Variants in TOR3A observed in about 807,000 individuals in gnomAD.
The protein encoded by TOR3A is torsin family 3 member A.
A neutral mutation model predicts 42.1 loss-of-function variants in TOR3A; 44 were observed. The observed-to-expected ratio is 1.04, with a 90% CI of 0.82 to 1.34. The LOEUF (loss-of-function observed/expected upper bound fraction) is 1.34. Ranked by LOEUF, TOR3A falls within the 40% of genes most tolerant of loss-of-function variation. The pLI is 0.00. For missense variants in TOR3A, 521 were observed against 507.6 expected, an observed-to-expected ratio of 1.03 and a Z score of -0.25; for synonymous variants, 227 against 213.2, an observed-to-expected ratio of 1.06 and a Z score of -0.57.
Position 179,095,649 on chromosome 1 carries a change from T to C in TOR3A, c.*431T>C. ...CTTCTGCAAGGAAGAGCTTGGGTGTTAGGCCTCAGAGGCTGTAGGGTCCTT... is the reference window on the plus strand; with the variant it reads ...CTTCTGCAAGGAAGAGCTTGGGTGTCAGGCCTCAGAGGCTGTAGGGTCCTT... On this transcript the variant is annotated 3_prime_UTR_variant, in exon 6 of 6. Transcript: ENST00000367627. The C allele has an allele frequency of 9.8e-7, 1 of 1,025,138 alleles. No individual in the cohort carries two copies. Among genetic ancestry groups the C allele is most frequent in the South Asian group, 3.9e-5 (1 of 25,598 alleles). 63.5% of individuals were successfully genotyped at this position (1,025,138 alleles called of 1,614,324 possible).
intron 4 of TOR3A, among the ~76,000 whole-genome samples, chr1:179,093,803 C>A (rs1652659086): frequency 6.6e-6 from 1 of 152,210 alleles, no homozygotes; most frequent in Non-Finnish European, 1.5e-5. Flanking sequence ...CCTCAGACCA[C>A]ACAGAAGAAC....
At position 179,089,286 on chromosome 1, in the gene TOR3A, A is replaced by C. The variant is rs191005412; in HGVS notation, c.818+1197A>C. ...CAGTGAGCTGAGATCACACCATTGC[A>C]CTCCCGCCTGGGCAACAAGAGAGAG... On this transcript the variant is annotated intron_variant, in intron 4 of 5. Coordinates refer to ENST00000367627, the MANE Select transcript of TOR3A (RefSeq NM_022371.4). Among the ~76,000 whole-genome samples the C allele has an allele frequency of 3.7e-3, 556 of 148,494 alleles. 1 individual carries two copies. The highest frequency in any genetic ancestry group is 0.013 in the African/African-American group (502 of 39,934).
chr1:179,083,119 G>GGTTA, intron 2 of TOR3A, 66 bp downstream of exon 2: 1 of 976,544 alleles, frequency 1.0e-6, no homozygotes, highest in Non-Finnish European at 1.5e-6. Flanking sequence ...CAGGGGAAAT[G>GGTTA]GTTAGATGCA....
At chr1:179,094,653 C>T (rs894641512) in intron 5 of TOR3A, among the ~76,000 whole-genome samples, 3 of 152,080 alleles carry the variant, frequency 2.0e-5, no homozygotes, top group South Asian at 2.1e-4. Flanking sequence ...CTGAGGCGGG[C>T]GGATCACTTG....
chr1:179,094,497 A>T (rs2102547460), intron 5 of TOR3A, among the ~76,000 whole-genome samples: 1 of 152,268 alleles, frequency 6.6e-6, no homozygotes, highest in East Asian at 1.9e-4. Context: ...GCAAGACTTT[A>T]CCTAAAGGAG....
At position 179,095,178 on chromosome 1, in the gene TOR3A, G is replaced by T; in HGVS notation, c.1154G>T (p.Cys385Phe). ...KEEQLFSSQG[C>F]KSISQRINYF... ...GAACAACTCTTTTCTTCCCAGGGCT[G>T]CAAGTCTATTTCCCAGAGGATTAAC... The change falls in exon 6 of 6, where the codon TGC (cysteine) becomes TTC (phenylalanine). Residue 385 changes from cysteine (C) to phenylalanine (F), a missense_variant. Cys to Phe is a radical substitution (Grantham distance 205). Coordinates refer to ENST00000367627, the MANE Select transcript of TOR3A (RefSeq NM_022371.4). 1 of 1,614,174 alleles carries T rather than the reference G, an allele frequency of 6.2e-7. No individual in the cohort carries two copies. Among genetic ancestry groups the T allele is most frequent in the Non-Finnish European group, 8.5e-7 (1 of 1,180,026 alleles).
chr1:179,084,105 G>A (rs142071462), intron 2 of TOR3A, among the ~76,000 whole-genome samples: 257 of 152,268 alleles, frequency 1.7e-3, no homozygotes, highest in African/African-American at 6.1e-3. Flanking sequence ...CCTTTTGTTC[G>A]ACAAGGGCCT....
Position 179,082,249 on chromosome 1 carries a change from G to T in TOR3A, c.121G>T (p.Ala41Ser). 1 of 1,545,452 alleles carries T rather than the reference G, an allele frequency of 6.5e-7. No individual in the cohort carries two copies. Reference protein sequence around the residue: ...EGTDEPGSAWAWPGFQRLQEQ... With the variant: ...EGTDEPGSAWSWPGFQRLQEQ... ...AACCGACGAGCCGGGCTCGGCCTGG[G>T]CCTGGCCGGGCTTCCAGCGCCTGCA... The change falls in exon 1 of 6, where the codon GCC becomes TCC. Residue 41 changes from alanine to serine, a missense_variant. Ala to Ser is a moderately conservative substitution (Grantham distance 99, BLOSUM62 1). Transcript: ENST00000367627.
At position 179,082,297 on chromosome 1, in the gene TOR3A, G is replaced by T. The variant is rs746810728; in HGVS notation, c.169G>T (p.Ala57Ser). Reference sequence around the variant, plus strand: ...GCAGGAGCAGCTCAGGGCGGCGGGTGCCCTCTCCAAGCGGTACTGGACGCT... The same window carrying T: ...GCAGGAGCAGCTCAGGGCGGCGGGTTCCCTCTCCAAGCGGTACTGGACGCT... ...RLQEQLRAAG[A>S]LSKRYWTLFS... Residue 57 changes from alanine to serine, a missense_variant, in exon 1 of 6, where the codon GCC becomes TCC. Ala to Ser is a moderately conservative substitution (Grantham distance 99). Transcript: ENST00000367627. The T allele has an allele frequency of 1.3e-6, 2 of 1,587,256 alleles. No individual in the cohort carries two copies. The highest frequency in any genetic ancestry group is 1.7e-6 in the Non-Finnish European group (2 of 1,171,268).
At chr1:179,089,617 T>C (rs1240730303) in intron 4 of TOR3A, among the ~76,000 whole-genome samples, 1 of 152,214 alleles carries the variant, frequency 6.6e-6, no homozygotes, top group Non-Finnish European at 1.5e-5. Flanking sequence ...TCTCCTCCTG[T>C]TACAGAGAGT....
At chr1:179,084,837 T>TC (rs1652385805) in intron 2 of TOR3A, among the ~76,000 whole-genome samples, 1 of 152,172 alleles carries the variant, frequency 6.6e-6, no homozygotes, top group African/African-American at 2.4e-5. Flanking sequence ...GGTAGCGCCA[T>TC]CTCCAAATCC....
intron 1 of TOR3A, 65 bp downstream of exon 1, chr1:179,082,452 G>T: frequency 6.5e-7 from 1 of 1,528,514 alleles, no homozygotes; most frequent in Non-Finnish European, 8.7e-7. Context: ...GCGCGGCTGT[G>T]GTCGCCTCGC....
At chr1:179,087,661 G>C (rs1652466928) in intron 3 of TOR3A, among the ~76,000 whole-genome samples, 1 of 152,124 alleles carries the variant, frequency 6.6e-6, no homozygotes, top group Non-Finnish European at 1.5e-5. Flanking sequence ...CTGTCTCCTA[G>C]TCCCCAAGCT....
chr1:179,086,506 A>G (rs1284469859), intron 3 of TOR3A, among the ~76,000 whole-genome samples: 3 of 152,150 alleles, frequency 2.0e-5, no homozygotes, highest in African/African-American at 7.2e-5. Context: ...CTCTACTAAA[A>G]ATACAAAAAC....
At chr1:179,086,309 C>G (rs1370199503) in intron 3 of TOR3A, among the ~76,000 whole-genome samples, 1 of 152,242 alleles carries the variant, frequency 6.6e-6, no homozygotes, top group East Asian at 1.9e-4. Context: ...AACCTTTCCC[C>G]AGGCTCTTTG....
At chr1:179,094,839 C>A in intron 5 of TOR3A, 129 bp from the exon 6 acceptor site, 1 of 872,994 alleles carries the variant, frequency 1.1e-6, no homozygotes, top group Non-Finnish European at 1.9e-6. Context: ...GATCTCACCA[C>A]TGCACTCCAG....
rs151011675 is a variant in TOR3A at position 179,082,944 on chromosome 1, G to A, written c.264G>A (p.Trp88Ter). The change falls in exon 2 of 6, where the codon TGG (tryptophan) becomes TGA (stop). Residue 88 changes from tryptophan (W) to a stop codon, truncating the protein, a stop_gained. Transcript: ENST00000367627. LOFTEE classifies it high-confidence loss of function. Reference sequence around the variant, plus strand: ...TCACAGCTCCTCCTTTTCCAGGCTGGCGCCTTCCTCTGTTGGGCCAGCGGT... The same window carrying A: ...TCACAGCTCCTCCTTTTCCAGGCTGACGCCTTCCTCTGTTGGGCCAGCGGT... ...DEEAATGPLGWRLPLLGQRYL... is the reference protein window; with the variant it reads ...DEEAATGPLG 6.4e-7 allele frequency: 1 copy of A among 1,566,272 alleles called. No individual in the cohort carries two copies. The highest frequency in any genetic ancestry group is 1.2e-5 in the South Asian group (1 of 83,090).
rs1381195658 is a variant in TOR3A at position 179,088,067 on chromosome 1, T to C, written c.796T>C (p.Trp266Arg). Reference protein sequence around the residue: ...APEGHRAESPWTIFLFLSNLR... With the variant: ...APEGHRAESPRTIFLFLSNLR... ...TGAGGGCCACAGGGCTGAGTCTCCATGGACTATCTTTCTGTTTCTCAGGTG... is the reference window on the plus strand; with the variant it reads ...TGAGGGCCACAGGGCTGAGTCTCCACGGACTATCTTTCTGTTTCTCAGGTG... The change falls in exon 4 of 6, where the codon TGG becomes CGG. Residue 266 changes from tryptophan (W) to arginine (R), a missense_variant. Transcript: ENST00000367627. The C allele has an allele frequency of 3.1e-6, 5 of 1,598,280 alleles. No homozygotes were observed. Among genetic ancestry groups the C allele is most frequent in the Non-Finnish European group, 4.3e-6 (5 of 1,174,282 alleles).
intron 4 of TOR3A, among the ~76,000 whole-genome samples, chr1:179,093,635 G>A (rs936381605): frequency 2.0e-5 from 3 of 152,124 alleles, no homozygotes; most frequent in African/African-American, 7.2e-5. Context: ...GCGCACCCAG[G>A]CCTAGACACT....
Sources: allele counts gnomAD v4.1 joint callset (sites outside exome capture counted in the v4.1 genomes callset), GRCh38; gene constraint gnomAD v4.1.1; transcripts MANE v1.5; gene names NCBI Gene and HGNC (gene_info 2026-07-23, HGNC 2026-07-21).